The following DOCK4 variants were observed in gnomAD, a reference collection of about 807,000 sequenced individuals.
The protein encoded by DOCK4 is dedicator of cytokinesis 4, also known as dedicator of cytokinesis protein 4.
Under a neutral mutation model 268.1 loss-of-function variants are expected in DOCK4, and 97 were observed. The observed-to-expected ratio is 0.36, with a 90% CI of 0.31 to 0.43. The LOEUF (loss-of-function observed/expected upper bound fraction) is 0.43, where lower values mean the gene tolerates loss of function less well. DOCK4 is among the 20% of genes least tolerant of loss of function. The pLI, the probability that DOCK4 is intolerant of heterozygous loss-of-function variation, is 1.00. For synonymous variants in DOCK4, 954 were observed against 887.2 expected, an observed-to-expected ratio of 1.08 and a Z score of -1.34; for missense variants, 2,145 against 2,455.7, an observed-to-expected ratio of 0.87 and a Z score of 2.67.
At chr7:112,135,387 C>G (rs79774473) in intron 1 of DOCK4, among the ~76,000 whole-genome samples, 11,662 of 151,594 alleles carry the variant, frequency 0.077, 699 homozygotes, top group African/African-American at 0.17. Context: ...TTCCCTGATG[C>G]AGTACCATAC....
chr7:111,904,179 G>A (rs113058483), intron 13 of DOCK4, among the ~76,000 whole-genome samples: 231 of 152,240 alleles, frequency 1.5e-3, no homozygotes, highest in Middle Eastern at 6.8e-3. Context: ...GGGATGTACT[G>A]CCAGCATCAC....
intron 12 of DOCK4, among the ~76,000 whole-genome samples, chr7:111,919,800 A>T (rs574212926): frequency 1.2e-4 from 18 of 152,366 alleles, no homozygotes; most frequent in Admixed American, 1.1e-3. Flanking sequence ...ACTAAGAAAC[A>T]TCAAAGAGTG....
chr7:111,773,480 T>G (rs1404695915), intron 36 of DOCK4, among the ~76,000 whole-genome samples: 2 of 152,202 alleles, frequency 1.3e-5, no homozygotes, highest in African/African-American at 4.8e-5. Context: ...ATATATCTGT[T>G]ATATATCTGG....
chr7:112,066,678 TATATACATATAC>T (rs57764149), intron 1 of DOCK4, among the ~76,000 whole-genome samples: 317 of 21,894 alleles, frequency 0.014, 22 homozygotes, highest in African/African-American at 0.069. Context: ...TACATATACA[TATATACATATAC>T]ATATATATAT....
At chr7:111,948,248 G>A (rs1173095073) in intron 8 of DOCK4, among the ~76,000 whole-genome samples, 5 of 152,110 alleles carry the variant, frequency 3.3e-5, no homozygotes, top group East Asian at 1.9e-4. Flanking sequence ...GGAAAACTGC[G>A]AAATAGTAAA....
Position 111,762,246 on chromosome 7 carries a change from T to G in DOCK4, c.4021-1924A>C, listed in dbSNP as rs971019235. On this transcript the variant is annotated intron_variant, in intron 39 of 52. Coordinates refer to ENST00000428084, the MANE Select transcript of DOCK4 (RefSeq NM_001363540.2). ...TAATTCACATACAATAAAATCCACC[T>G]TTTAAAAATGTGCAATTCAGTGGTT... Among the ~76,000 whole-genome samples, 8 of 152,196 alleles carry G rather than the reference T, an allele frequency of 5.3e-5. No homozygotes were observed. In the South Asian group the frequency reaches 1.4e-3, roughly 28 times the overall value.
chr7:112,014,862 A>G (rs1229474940), intron 1 of DOCK4, among the ~76,000 whole-genome samples: 1 of 152,110 alleles, frequency 6.6e-6, no homozygotes. Context: ...CTATGATCAC[A>G]CCACTGCACT....
At chr7:111,820,826 C>A (rs982625795) in intron 27 of DOCK4, 1 of 152,128 alleles carries the variant, frequency 6.6e-6, no homozygotes, top group Non-Finnish European at 1.5e-5. Flanking sequence ...ATGTCCATAG[C>A]CTGGACCTCT....
chr7:111,758,732 C>G lies in DOCK4; in HGVS notation c.4221G>C (p.Glu1407Asp). ...IPESQEVLQR[E>D]GVPDNIKSFY... Reference sequence around the variant, plus strand: ...AGCTTTTGATGTTGTCCGGAACACCCTCTCTCTGCAGGACCTCCTGGCTCT... The same window carrying G: ...AGCTTTTGATGTTGTCCGGAACACCGTCTCTCTGCAGGACCTCCTGGCTCT... The change falls in exon 41 of 53, where the codon GAG becomes GAC. Residue 1407 changes from glutamate to aspartate, a missense_variant. By Grantham distance (45) the Glu-to-Asp change is conservative. Transcript: ENST00000428084. 1.2e-6 allele frequency: 2 copies of G among 1,613,926 alleles called. No homozygotes were observed. Among genetic ancestry groups the G allele is most frequent in the Non-Finnish European group, 1.7e-6 (2 of 1,179,870 alleles).
intron 4 of DOCK4, among the ~76,000 whole-genome samples, chr7:111,994,616 T>C (rs1032736004): frequency 6.6e-6 from 1 of 152,166 alleles, no homozygotes; most frequent in Non-Finnish European, 1.5e-5. Flanking sequence ...GCTATGACTA[T>C]AGGACTCAAA....
intron 1 of DOCK4, among the ~76,000 whole-genome samples, chr7:112,113,734 A>ATTTTTTTTTGTTTTTTTT (rs1811872045): frequency 2.0e-5 from 1 of 49,506 alleles, no homozygotes; most frequent in Non-Finnish European, 3.7e-5. Context: ...TACTTGGCTG[A>ATTTTTTTTTGTTTTTTTT]TTTTTTTTTT....
At chr7:112,009,529 A>G (rs1183086420) in intron 1 of DOCK4, among the ~76,000 whole-genome samples, 1 of 152,186 alleles carries the variant, frequency 6.6e-6, no homozygotes, top group Non-Finnish European at 1.5e-5. Context: ...AGCAGTGTCC[A>G]TCAGAAGGCA....
chr7:112,194,687 G>T (rs58751772), intron 1 of DOCK4, among the ~76,000 whole-genome samples: 1 of 152,176 alleles, frequency 6.6e-6, no homozygotes, highest in East Asian at 1.9e-4. Context: ...TAAAAGAAAT[G>T]TATGCTAATT....
intron 1 of DOCK4, among the ~76,000 whole-genome samples, chr7:112,018,141 CTCAAA>C (rs1801982135): frequency 3.5e-5 from 1 of 28,820 alleles, no homozygotes; most frequent in Non-Finnish European, 5.4e-5. Context: ...AAGACTCCAG[CTCAAA>C]AAAAAAAAAA....
chr7:112,136,701 T>G (rs1271126901), intron 1 of DOCK4, among the ~76,000 whole-genome samples: 1 of 152,176 alleles, frequency 6.6e-6, no homozygotes, highest in African/African-American at 2.4e-5. Flanking sequence ...CTAGTTTATG[T>G]GATCAGGCAG....
intron 1 of DOCK4, among the ~76,000 whole-genome samples, chr7:112,157,963 C>T (rs1388395885): frequency 6.6e-6 from 1 of 151,998 alleles, no homozygotes; most frequent in Non-Finnish European, 1.5e-5. Context: ...TATAAATTGT[C>T]CTCAAAATGT....
Position 111,915,808 on chromosome 7 carries a change from T to A in DOCK4, c.1163A>T (p.Lys388Met). The change falls in exon 13 of 53, where the codon AAG becomes ATG. Residue 388 changes from lysine to methionine, a missense_variant. Transcript: ENST00000428084. Reference sequence around the variant, plus strand: ...CATAATAATATTTGAAAATCCCAGCTTCCTTGTTATGGATACTCCATGAGA... The same window carrying A: ...CATAATAATATTTGAAAATCCCAGCATCCTTGTTATGGATACTCCATGAGA... Reference protein sequence around the residue: ...VFSHGVSITRKLGFSNIIMPG... With the variant: ...VFSHGVSITRMLGFSNIIMPG... The A allele has an allele frequency of 6.2e-7, 1 of 1,613,198 alleles. No homozygotes were observed. Among genetic ancestry groups the A allele is most frequent in the South Asian group, 1.1e-5 (1 of 90,824 alleles).
rs572050793 is a variant in DOCK4 at position 112,059,134 on chromosome 7, C to CTTTTTTTTTTTTTTTT, written c.38-55019_38-55004dup. Among the ~76,000 whole-genome samples, 13 of 99,000 alleles carry CTTTTTTTTTTTTTTTT rather than the reference C, an allele frequency of 1.3e-4. 1 individual carries two copies. The highest frequency in any genetic ancestry group is 6.5e-4 in the African/African-American group (13 of 20,010). The allele number at this position is 99,000 out of a possible 152,430, so 64.9% of individuals were successfully genotyped here. ...TCATAAAATTATACTGCAGCATTTC[C>CTTTTTTTTTTTTTTTT]TTTTTTTTTTTTTTTTTTTTTTTTT... On this transcript the variant is annotated intron_variant, in intron 1 of 52. Coordinates refer to ENST00000428084, the MANE Select transcript of DOCK4 (RefSeq NM_001363540.2).
intron 28 of DOCK4, 150 bp from the exon 29 acceptor site, chr7:111,809,551 T>C (rs1800928320): frequency 1.6e-6 from 1 of 627,464 alleles, no homozygotes; most frequent in East Asian, 2.8e-5. Context: ...AAGCTGGATA[T>C]GGGTACCTCA....
Sources: gnomAD v4.1 joint callset for allele counts (sites outside exome capture counted in the v4.1 genomes callset) on GRCh38, gnomAD v4.1.1 for gene constraint, MANE v1.5 for transcripts, NCBI Gene and HGNC (gene_info 2026-07-23, HGNC 2026-07-21) for gene names.